Variants in UBR1 observed in about 807,000 individuals in gnomAD.
The protein encoded by UBR1 is ubiquitin protein ligase E3 component n-recognin 1.
UBR1 carries 102 observed loss-of-function variants against 242.1 expected under a neutral mutation model. The ratio of observed to expected loss-of-function variants is 0.42; its 90% CI spans 0.36 to 0.50. The LOEUF (loss-of-function observed/expected upper bound fraction) is 0.50. Ranked by LOEUF, UBR1 falls within the 20% of genes least tolerant of loss-of-function variation. The pLI, the probability that UBR1 is intolerant of heterozygous loss-of-function variation, is 0.01. For synonymous variants in UBR1, 675 were observed against 684.8 expected, an observed-to-expected ratio of 0.99 and a Z score of 0.22; for missense variants, 1,772 against 2,101.8, an observed-to-expected ratio of 0.84 and a Z score of 3.07.
At chr15:43,071,950 A>C (rs1223137777) in intron 4 of UBR1, among the ~76,000 whole-genome samples, 2 of 152,246 alleles carry the variant, frequency 1.3e-5, no homozygotes, top group Non-Finnish European at 2.9e-5. Flanking sequence ...GCAAGATTGC[A>C]GGATACAAGA....
At chr15:43,097,244 TCAG>T (rs1405365522) in intron 1 of UBR1, among the ~76,000 whole-genome samples, 4 of 152,156 alleles carry the variant, frequency 2.6e-5, no homozygotes, top group African/African-American at 7.2e-5. Flanking sequence ...TTTTTTTTTC[TCAG>T]CAGTTCTCTA....
chr15:43,071,123 C>T (rs1416973695), intron 4 of UBR1, among the ~76,000 whole-genome samples, 198 bp from the exon 5 acceptor site: 4 of 152,170 alleles, frequency 2.6e-5, no homozygotes, highest in Non-Finnish European at 1.5e-5. Flanking sequence ...GTTGGTGTTA[C>T]TGATGACAGA....
At chr15:42,992,345 T>C (rs1362963905) in intron 33 of UBR1, among the ~76,000 whole-genome samples, 2 of 152,222 alleles carry the variant, frequency 1.3e-5, no homozygotes, top group Non-Finnish European at 2.9e-5. Context: ...CTGGATATTA[T>C]CTTGTATATT....
chr15:43,031,465 A>T (rs2141311878), intron 20 of UBR1, among the ~76,000 whole-genome samples: 1 of 152,290 alleles, frequency 6.6e-6, no homozygotes, highest in South Asian at 2.1e-4. Flanking sequence ...ACACATTCTT[A>T]ATTTGCCCAT....
intron 46 of UBR1, 28 bp from the exon 47 acceptor site, chr15:42,945,498 G>A: frequency 1.9e-6 from 3 of 1,612,810 alleles, no homozygotes; most frequent in East Asian, 2.2e-5. Context: ...AAAACAACAT[G>A]TAAGTTTGAA....
intron 44 of UBR1, among the ~76,000 whole-genome samples, chr15:42,957,173 A>C (rs2031934381): frequency 6.6e-6 from 1 of 152,216 alleles, no homozygotes; most frequent in Non-Finnish European, 1.5e-5. Flanking sequence ...ATATACATAC[A>C]ATGGAATATT....
chr15:42,983,849 G>T (rs2032419747), intron 37 of UBR1, 48 bp downstream of exon 37: 4 of 1,133,400 alleles, frequency 3.5e-6, no homozygotes, highest in East Asian at 3.0e-5. Flanking sequence ...AATAGAAAAA[G>T]ATATATAAAT....
chr15:43,031,854 C>T (rs2033261849), intron 20 of UBR1, among the ~76,000 whole-genome samples: 5 of 152,118 alleles, frequency 3.3e-5, no homozygotes, highest in Admixed American at 3.3e-4. Context: ...AACCCCGTCT[C>T]TATTAAAAAA....
intron 5 of UBR1, among the ~76,000 whole-genome samples, chr15:43,069,497 G>A (rs750388069): frequency 3.6e-4 from 55 of 152,128 alleles, no homozygotes; most frequent in Non-Finnish European, 4.0e-4. Flanking sequence ...GGATGGTCTC[G>A]ATCTCCTGAC....
At chr15:42,975,140 C>G (rs2032268683) in intron 39 of UBR1, among the ~76,000 whole-genome samples, 1 of 152,078 alleles carries the variant, frequency 6.6e-6, no homozygotes, top group Non-Finnish European at 1.5e-5. Flanking sequence ...AGGTGATCCA[C>G]CTGCCTCAGC....
rs1468892016 is a variant in UBR1 at position 42,983,992 on chromosome 15, T to C, written c.4055A>G (p.His1352Arg). The C allele has an allele frequency of 1.2e-6, 2 of 1,611,546 alleles. No individual in the cohort carries two copies. The highest frequency in any genetic ancestry group is 3.3e-5 in the Admixed American group (2 of 59,908). ...PLFGALQNRQHNGLKALMQFA... is the reference protein window; with the variant it reads ...PLFGALQNRQRNGLKALMQFA... ...CTGCATTAATGCTTTCAGACCATTA[T>C]GCTAGATTGTAAGAGAGAAGGAAGA... Residue 1352 changes from histidine (H) to arginine (R), a missense_variant and splice_region_variant, in exon 37 of 47, where the codon CAT becomes CGT. Physicochemically the swap from His to Arg is conservative, Grantham distance 29. Coordinates refer to ENST00000290650, the MANE Select transcript of UBR1 (RefSeq NM_174916.3).
At chr15:43,086,521 T>TG (rs1183301857) in intron 1 of UBR1, among the ~76,000 whole-genome samples, 1 of 151,160 alleles carries the variant, frequency 6.6e-6, no homozygotes, top group Non-Finnish European at 1.5e-5. Context: ...TATGTGAAGG[T>TG]GGTTCTATTA....
chr15:42,991,627 A>ACC (rs927891170), intron 33 of UBR1, among the ~76,000 whole-genome samples: 16 of 151,922 alleles, frequency 1.1e-4, no homozygotes, highest in African/African-American at 3.9e-4. Context: ...TGTCCCATAG[A>ACC]CCCCTAAGGA....
chr15:42,964,264 G>C (rs536637687), intron 41 of UBR1, among the ~76,000 whole-genome samples: 2 of 152,138 alleles, frequency 1.3e-5, no homozygotes, highest in Non-Finnish European at 2.9e-5. Context: ...GAGGTCGGGA[G>C]TTCAAGACCA....
chr15:43,042,532 G>A (rs2033433322), intron 15 of UBR1, among the ~76,000 whole-genome samples: 1 of 152,074 alleles, frequency 6.6e-6, no homozygotes, highest in Non-Finnish European at 1.5e-5. Context: ...GAGGCAATGG[G>A]GAGGTATTGT....
intron 46 of UBR1, among the ~76,000 whole-genome samples, chr15:42,947,627 T>C (rs1215781092): frequency 1.3e-5 from 2 of 152,148 alleles, no homozygotes; most frequent in Non-Finnish European, 2.9e-5. Flanking sequence ...ACCAGCATTC[T>C]TATACACCAA....
chr15:43,070,236 C>T (rs867291486), intron 5 of UBR1, among the ~76,000 whole-genome samples: 1 of 123,006 alleles, frequency 8.1e-6, no homozygotes, highest in South Asian at 2.8e-4. Context: ...CCAGAAATTG[C>T]TGAGTTCTAG....
chr15:43,090,872 G>T (rs1449271177), intron 1 of UBR1, among the ~76,000 whole-genome samples: 1 of 152,158 alleles, frequency 6.6e-6, no homozygotes, highest in East Asian at 1.9e-4. Flanking sequence ...GGTATCCTAA[G>T]TCCTAAAGTT....
Position 43,015,632 on chromosome 15 carries a change from T to C in UBR1, c.3209+56A>G, listed in dbSNP as rs1001667469. 8 of 1,573,184 alleles carry C rather than the reference T, an allele frequency of 5.1e-6. No homozygotes were observed. The African/African-American group carries it at 6.7e-5, about 13-fold the overall frequency. On this transcript the variant is annotated intron_variant, in intron 29 of 46. Transcript: ENST00000290650. ...CCCCTCTCGGAGAAACACCCAAGAA[T>C]GATCAATTTAAAAAAAAAAAATTGA...
Sources: gnomAD v4.1 joint callset for allele counts (sites outside exome capture counted in the v4.1 genomes callset) on GRCh38, gnomAD v4.1.1 for gene constraint, MANE v1.5 for transcripts, NCBI Gene and HGNC (gene_info 2026-07-23, HGNC 2026-07-21) for gene names.